NIPA1: variants seen among roughly 807,000 people sequenced by gnomAD.
NIPA1 encodes magnesium transporter NIPA1.
Under a neutral mutation model 23.9 loss-of-function variants are expected in NIPA1, and 13 were observed. The observed-to-expected ratio is 0.54, with a 90% CI of 0.35 to 0.87. The LOEUF (loss-of-function observed/expected upper bound fraction) is 0.87, where lower values mean the gene tolerates loss of function less well. Among genes scored for constraint, NIPA1 ranks in the 40% least tolerant of loss-of-function variants. The pLI, the probability that NIPA1 is intolerant of heterozygous loss-of-function variation, is 0.01. For synonymous variants in NIPA1, 234 were observed against 202.9 expected (o/e 1.15, Z -1.30); for missense variants, 362 against 429.7 (o/e 0.84, Z 1.39).
chr15:22,820,269 G>A (rs1430173644), intron 3 of NIPA1, 44 bp from the exon 4 acceptor site: 2 of 1,320,224 alleles, frequency 1.5e-6, no homozygotes. Context: ...GAAAGGTCAG[G>A]TAGTTTGGTT....
At position 22,825,264 on chromosome 15, in the gene NIPA1, A is replaced by G. The variant is rs572322946; in HGVS notation, c.*1025A>G. ...ACAGTGGTGAGTATTTGTGTTTACA[A>G]ACATAGGAAAGGTACAGTAAAACTA... On this transcript the variant is annotated 3_prime_UTR_variant, in exon 5 of 5. Transcript: ENST00000337435. 1.2e-4 allele frequency: 19 copies of G among 152,350 alleles called. No homozygotes were observed. Among genetic ancestry groups the G allele is most frequent in the African/African-American group, 3.6e-4 (15 of 41,572 alleles). 9.4% of individuals were successfully genotyped at this position (152,350 alleles called of 1,614,324 possible).
chr15:22,810,354 GATA>G (rs1243770370), intron 1 of NIPA1, among the ~76,000 whole-genome samples: 1 of 152,150 alleles, frequency 6.6e-6, no homozygotes, highest in African/African-American at 2.4e-5. Flanking sequence ...CAAACCCTAT[GATA>G]ATAAAATTCT....
chr15:22,807,763 C>T (rs2140863768), intron 1 of NIPA1, among the ~76,000 whole-genome samples: 1 of 121,596 alleles, frequency 8.2e-6, no homozygotes, highest in East Asian at 2.6e-4. Context: ...AGGATAATTT[C>T]CACAGAGTTT....
chr15:22,824,045 G>A lies in NIPA1; in HGVS notation c.796G>A (p.Val266Ile), dbSNP rs1448589516. Residue 266 changes from valine to isoleucine, a missense_variant, in exon 5 of 5, where the codon GTC becomes ATC. By Grantham distance (29) the Val-to-Ile change is conservative. Coordinates refer to ENST00000337435, the MANE Select transcript of NIPA1 (RefSeq NM_144599.5). The surrounding 1 kb of genome is among the most constrained non-coding windows in gnomAD (Gnocchi z 4.1). ...CTCGGTGTTCGGGGCCATCTACTAC[G>A]TCGTGTTTACCACGCTGGTCCTGCT... ...DSSVFGAIYY[V>I]VFTTLVLLAS... 11 of 1,614,090 alleles carry A rather than the reference G, an allele frequency of 6.8e-6. No individual in the cohort carries two copies. The highest frequency in any genetic ancestry group is 9.3e-6 in the Non-Finnish European group (11 of 1,179,982).
upstream of NIPA1, chr15:22,786,244 C>T (rs1894692739): frequency 6.6e-6 from 1 of 152,224 alleles, no homozygotes; most frequent in African/African-American, 2.4e-5. Context: ...GGGCTTCGCG[C>T]TCCGGTGAGT....
chr15:22,825,091 C>T lies in NIPA1; in HGVS notation c.*852C>T, dbSNP rs1298744969. 1.3e-5 allele frequency: 2 copies of T among 152,194 alleles called. No homozygotes were observed. The highest frequency in any genetic ancestry group is 2.9e-5 in the Non-Finnish European group (2 of 68,034). The allele number at this position is 152,194 out of a possible 1,614,324, so 9.4% of individuals were successfully genotyped here. ...TTCTGAGAAATGCATTGTAAGGTGA[C>T]TTTATTGTGTGAACATCATGGAGTG... On this transcript the variant is annotated 3_prime_UTR_variant, in exon 5 of 5. Transcript: ENST00000337435.
intron 1 of NIPA1, among the ~76,000 whole-genome samples, chr15:22,787,051 G>A (rs1156988684): frequency 6.6e-6 from 1 of 151,860 alleles, no homozygotes; most frequent in East Asian, 1.9e-4. Context: ...GGAATCACAG[G>A]TGCGTCCTGA....
chr15:22,823,649 G>A lies in NIPA1; in HGVS notation c.479-79G>A, dbSNP rs1236337767. On this transcript the variant is annotated intron_variant, in intron 4 of 4. Coordinates refer to ENST00000337435, the MANE Select transcript of NIPA1 (RefSeq NM_144599.5). ...GGTGGCGGGTGGCGGGTGGGGGCCC[G>A]GGTGCTGCCCCAGTCCACCTCCTGG... 1.7e-5 allele frequency: 25 copies of A among 1,468,880 alleles called. No individual in the cohort carries two copies. The East Asian group carries it at 2.4e-4, about 14-fold the overall frequency. 91.0% of individuals were successfully genotyped at this position (1,468,880 alleles called of 1,614,324 possible).
chr15:22,811,587 G>T (rs1895318008), intron 2 of NIPA1, among the ~76,000 whole-genome samples: 1 of 152,194 alleles, frequency 6.6e-6, no homozygotes, highest in Admixed American at 6.5e-5. Flanking sequence ...CTGGCTGACA[G>T]AGTGAGACTC....
At chr15:22,798,441 G>T (rs547088591) in intron 1 of NIPA1, among the ~76,000 whole-genome samples, 26 of 146,756 alleles carry the variant, frequency 1.8e-4, no homozygotes, top group Admixed American at 1.6e-3. Context: ...GGGTTTCACC[G>T]TGTTGGCCAG....
chr15:22,821,012 C>G (rs1340514256), intron 4 of NIPA1, among the ~76,000 whole-genome samples: 1 of 149,934 alleles, frequency 6.7e-6, no homozygotes, highest in South Asian at 2.1e-4. Context: ...GAGTCTCGCT[C>G]TGTCACCCAG....
Position 22,810,752 on chromosome 15 carries a change from C to T in NIPA1, c.182C>T (p.Thr61Ile), listed in dbSNP as rs1186621105. The change falls in exon 2 of 5, where the codon ACT (threonine) becomes ATT (isoleucine). Residue 61 changes from threonine (T) to isoleucine (I), a missense_variant. Around this residue, in one of 2 missense-constraint regions of NIPA1, gnomAD observed 277 missense variants for 372.0 expected, o/e 0.74. Transcript: ENST00000337435. ...KGIVRAKRRG[T>I]SYLTDIVWWA... ...TTTTTTATCTCATTTTTTATAGGTA[C>T]TTCCTATTTAACAGACATTGTGTGG... The T allele has an allele frequency of 6.2e-7, 1 of 1,603,004 alleles. No homozygotes were observed. The highest frequency in any genetic ancestry group is 8.5e-7 in the Non-Finnish European group (1 of 1,169,934).
chr15:22,794,533 A>G (rs757077036), intron 1 of NIPA1, among the ~76,000 whole-genome samples: 2 of 152,072 alleles, frequency 1.3e-5, no homozygotes, highest in African/African-American at 2.4e-5. Flanking sequence ...AAAATAAAAC[A>G]TGCTTTTCGG....
At chr15:22,788,220 G>A (rs1188403996) in intron 1 of NIPA1, among the ~76,000 whole-genome samples, 2 of 152,078 alleles carry the variant, frequency 1.3e-5, no homozygotes, top group African/African-American at 4.8e-5. Context: ...AACATCTTGC[G>A]GCCGGGCGCG....
chr15:22,814,140 A>G (rs899062011), intron 3 of NIPA1: 2 of 1,258,138 alleles, frequency 1.6e-6, no homozygotes, highest in African/African-American at 1.5e-5. Context: ...GCCTGTCTTC[A>G]ACTTGGAATC....
intron 4 of NIPA1, among the ~76,000 whole-genome samples, chr15:22,821,067 ATTC>A (rs1895528889): frequency 6.8e-6 from 1 of 146,280 alleles, no homozygotes; most frequent in African/African-American, 2.5e-5. Flanking sequence ...GAGCTCCGCC[ATTC>A]TTCTGCCTCA....
chr15:22,798,835 CAAAAAAAAAAAAAAAAA>C (rs1206327395), intron 1 of NIPA1, among the ~76,000 whole-genome samples: 1 of 73,108 alleles, frequency 1.4e-5, no homozygotes, highest in African/African-American at 5.9e-5. Flanking sequence ...GACTCCGTCT[CAAAAAAAAAAAAAAAAA>C]AAAAAAAAAA....
chr15:22,819,557 T>G (rs1430499276), intron 3 of NIPA1: 5 of 152,204 alleles, frequency 3.3e-5, no homozygotes, highest in Non-Finnish European at 5.9e-5. Context: ...TTTAAAAGTT[T>G]TCAGTATTAG....
intron 1 of NIPA1, among the ~76,000 whole-genome samples, chr15:22,795,536 T>A (rs1894922769): frequency 6.6e-6 from 1 of 152,112 alleles, no homozygotes; most frequent in African/African-American, 2.4e-5. Context: ...CCTTCCTCTA[T>A]CCCTGTGGCT....
Sources: gnomAD v4.1 joint callset for allele counts (sites outside exome capture counted in the v4.1 genomes callset) on GRCh38, gnomAD v4.1.1 for gene constraint, gnomAD v4.1.1 regional missense constraint, Gnocchi (gnomAD v3.1) non-coding constraint, MANE v1.5 for transcripts, NCBI Gene and HGNC (gene_info 2026-07-23, HGNC 2026-07-21) for gene names.